CPSF2: variants seen among roughly 807,000 people sequenced by gnomAD.
The protein encoded by CPSF2 is cleavage and polyadenylation specific factor 2, also known as cleavage and polyadenylation specificity factor subunit 2.
In CPSF2, 51 loss-of-function variants were observed where a neutral mutation model predicts 84.2. The observed-to-expected ratio is 0.61, with a 90% CI of 0.48 to 0.77. CPSF2 has a LOEUF of 0.77. Among genes scored for constraint, CPSF2 ranks in the 30% least tolerant of loss-of-function variants. The pLI is 0.00. For synonymous variants in CPSF2, 286 were observed against 311.9 expected (o/e 0.92, Z 0.87); for missense variants, 641 against 929.4 (o/e 0.69, Z 4.03).
At chr14:92,129,823 C>G (rs750228839) in intron 2 of CPSF2, among the ~76,000 whole-genome samples, 21 of 152,144 alleles carry the variant, frequency 1.4e-4, no homozygotes, top group Admixed American at 5.9e-4. Context: ...TCATAGCTCA[C>G]AGTAACCTCG....
Position 92,155,338 on chromosome 14 carries a change from C to T in CPSF2, c.1442+15C>T, listed in dbSNP as rs1462292112. ...GAGATTATCAAGTATGTGAGCAAAACAAACTTTTCTCTCTTACAAATTGGA... is the reference window on the plus strand; with the variant it reads ...GAGATTATCAAGTATGTGAGCAAAATAAACTTTTCTCTCTTACAAATTGGA... On this transcript the variant is annotated intron_variant, in intron 11 of 15. Coordinates refer to ENST00000298875, the MANE Select transcript of CPSF2 (RefSeq NM_017437.3). The T allele has an allele frequency of 7.5e-6, 12 of 1,593,514 alleles. No homozygotes were observed. Among genetic ancestry groups the T allele is most frequent in the Non-Finnish European group, 1.0e-5 (12 of 1,161,498 alleles).
rs936281684 is a variant in CPSF2 at position 92,167,224 on chromosome 14, C to T, written c.*5480C>T. The T allele has an allele frequency of 3.3e-5, 5 of 151,906 alleles. No individual in the cohort carries two copies. The highest frequency in any genetic ancestry group is 9.7e-5 in the African/African-American group (4 of 41,296). 9.4% of individuals were successfully genotyped at this position (151,906 alleles called of 1,614,324 possible). On this transcript the variant is annotated 3_prime_UTR_variant, in exon 16 of 16. Transcript: ENST00000298875. ...ATGAGGTTTCATCATGCTGACCAGGCTGGTCTCGAACTCCTGACATCAAGT... is the reference window on the plus strand; with the variant it reads ...ATGAGGTTTCATCATGCTGACCAGGTTGGTCTCGAACTCCTGACATCAAGT...
At chr14:92,146,710 C>G (rs527891732) in intron 9 of CPSF2, among the ~76,000 whole-genome samples, 25 of 149,850 alleles carry the variant, frequency 1.7e-4, no homozygotes, top group Non-Finnish European at 3.1e-4. Context: ...CATTTCATGT[C>G]ATTCACTTGC....
In CPSF2 at chr14:92,171,759, A is replaced by G. The variant is rs1567031095; in HGVS notation, c.*10015A>G. On this transcript the variant is annotated 3_prime_UTR_variant, in exon 16 of 16. Coordinates refer to ENST00000298875, the MANE Select transcript of CPSF2 (RefSeq NM_017437.3). Reference sequence around the variant, plus strand: ...ATATATATATTAAAAACAAGTACACACTGATACCTATTTCACATCTACTCC... The same window carrying G: ...ATATATATATTAAAAACAAGTACACGCTGATACCTATTTCACATCTACTCC... The G allele has an allele frequency of 6.6e-6, 1 of 152,096 alleles. No homozygotes were observed. Among genetic ancestry groups the G allele is most frequent in the Admixed American group, 6.6e-5 (1 of 15,254 alleles). The allele number at this position is 152,096 out of a possible 1,614,324, so 9.4% of individuals were successfully genotyped here.
intron 9 of CPSF2, among the ~76,000 whole-genome samples, chr14:92,145,382 G>C (rs1040714473): frequency 6.6e-6 from 1 of 152,034 alleles, no homozygotes; most frequent in African/African-American, 2.4e-5. Flanking sequence ...CAAAGTGCTG[G>C]GATTATACAT....
At chr14:92,131,246 G>T in intron 3 of CPSF2, 113 bp downstream of exon 3, 1 of 776,986 alleles carries the variant, frequency 1.3e-6, no homozygotes. Context: ...TATAGCAAAA[G>T]GCTTAATTTT....
At chr14:92,138,151 T>C in intron 6 of CPSF2, 81 bp from the exon 7 acceptor site, 2 of 605,160 alleles carry the variant, frequency 3.3e-6, no homozygotes, top group South Asian at 6.0e-5. Context: ...TAAATGAAGC[T>C]GCTTATTTTT....
chr14:92,150,369 G>A (rs942872676), intron 9 of CPSF2, among the ~76,000 whole-genome samples: 1 of 151,574 alleles, frequency 6.6e-6, no homozygotes, highest in Non-Finnish European at 1.5e-5. Context: ...CGATCCACCT[G>A]CCTCGGCCTC....
At chr14:92,149,749 A>G (rs897360863) in intron 9 of CPSF2, among the ~76,000 whole-genome samples, 10 of 151,698 alleles carry the variant, frequency 6.6e-5, no homozygotes, top group African/African-American at 2.2e-4. Context: ...TCCGCCTCCC[A>G]GGTTCAAGTG....
chr14:92,149,931 A>C (rs2069191287), intron 9 of CPSF2, among the ~76,000 whole-genome samples: 1 of 152,194 alleles, frequency 6.6e-6, no homozygotes, highest in South Asian at 2.1e-4. Context: ...CTGGGATCAC[A>C]GGCATGAGTC....
At chr14:92,152,475 G>A (rs1296201958) in intron 9 of CPSF2, among the ~76,000 whole-genome samples, 2 of 151,342 alleles carry the variant, frequency 1.3e-5, no homozygotes, top group Non-Finnish European at 2.9e-5. Flanking sequence ...GTCTCACTCT[G>A]TTGTCCAAGC....
rs1336130755 is a variant in CPSF2, at chr14:92,161,886, A to G, written c.*142A>G. ...TTACATGTATCAGATTTTTAAAAAT[A>G]TAAATAGAGAACATTTTGCAAATGC... On this transcript the variant is annotated 3_prime_UTR_variant, in exon 16 of 16. Transcript: ENST00000298875. The G allele has an allele frequency of 5.3e-6, 3 of 562,320 alleles. No individual in the cohort carries two copies. The highest frequency in any genetic ancestry group is 7.7e-5 in the Admixed American group (2 of 25,808). The allele number at this position is 562,320 out of a possible 1,614,324, so 34.8% of individuals were successfully genotyped here.
intron 2 of CPSF2, among the ~76,000 whole-genome samples, chr14:92,128,750 T>C (rs945347935): frequency 1.3e-5 from 2 of 152,098 alleles, no homozygotes; most frequent in African/African-American, 4.8e-5. Context: ...ATTTTTGCAA[T>C]GGGAATACTA....
rs945931393 is a variant in CPSF2 at position 92,164,592 on chromosome 14, A to G, written c.*2848A>G. The stretch of plus-strand genomic sequence containing the variant: ...AGTATAGGTATAACGTGGACTATCA[A>G]CTGATATCTGCAAATAATTTGGTTA... On this transcript the variant is annotated 3_prime_UTR_variant, in exon 16 of 16. Coordinates refer to ENST00000298875, the MANE Select transcript of CPSF2 (RefSeq NM_017437.3). 3 of 152,244 alleles carry G rather than the reference A, an allele frequency of 2.0e-5. No homozygotes were observed. Among genetic ancestry groups the G allele is most frequent in the Non-Finnish European group, 4.4e-5 (3 of 68,038 alleles). The allele number at this position is 152,244 out of a possible 1,614,324, so 9.4% of individuals were successfully genotyped here.
At chr14:92,124,071 T>A (rs1243933201) in intron 1 of CPSF2, among the ~76,000 whole-genome samples, 1 of 152,198 alleles carries the variant, frequency 6.6e-6, no homozygotes, top group African/African-American at 2.4e-5. Context: ...AGTACAGGAA[T>A]ACAGAGCTTT....
At chr14:92,133,233 A>G (rs899632281) in intron 3 of CPSF2, among the ~76,000 whole-genome samples, 13 of 152,038 alleles carry the variant, frequency 8.6e-5, no homozygotes, top group African/African-American at 3.1e-4. Flanking sequence ...CACCCTAACC[A>G]ACATAGAGAA....
At chr14:92,131,574 C>T (rs148270108) in intron 3 of CPSF2, among the ~76,000 whole-genome samples, 25 of 152,254 alleles carry the variant, frequency 1.6e-4, no homozygotes, top group Non-Finnish European at 2.8e-4. Context: ...CACAGTGGCT[C>T]ACGCTGGCAA....
chr14:92,155,159 G>T lies in CPSF2; in HGVS notation c.1278G>T (p.Glu426Asp). 1 of 1,613,936 alleles carries T rather than the reference G, an allele frequency of 6.2e-7. No individual in the cohort carries two copies. Among genetic ancestry groups the T allele is most frequent in the Non-Finnish European group, 8.5e-7 (1 of 1,179,888 alleles). Residue 426 changes from glutamate to aspartate, a missense_variant, in exon 11 of 16, where the codon GAG becomes GAT. By Grantham distance (45) the Glu-to-Asp change is conservative. Transcript: ENST00000298875. ...ATTCCAGTGATGAGAGTGATATTGA[G>T]GAAGATATTGACCAGCCATCAGCTC... ...DIDSSDESDIEEDIDQPSAHK... is the reference protein window; with the variant it reads ...DIDSSDESDIDEDIDQPSAHK...
rs1595073697 is a variant in CPSF2, at chr14:92,171,763, A to G, written c.*10019A>G. ...ATATATTAAAAACAAGTACACACTG[A>G]TACCTATTTCACATCTACTCCACAG... On this transcript the variant is annotated 3_prime_UTR_variant, in exon 16 of 16. Transcript: ENST00000298875. 2 of 152,300 alleles carry G rather than the reference A, an allele frequency of 1.3e-5. No individual in the cohort carries two copies. Among genetic ancestry groups the G allele is most frequent in the East Asian group, 3.9e-4 (2 of 5,184 alleles). The allele number at this position is 152,300 out of a possible 1,614,324, so 9.4% of individuals were successfully genotyped here.
Sources: allele counts gnomAD v4.1 joint callset (sites outside exome capture counted in the v4.1 genomes callset), GRCh38; gene constraint gnomAD v4.1.1; transcripts MANE v1.5; gene names NCBI Gene and HGNC (gene_info 2026-07-23, HGNC 2026-07-21).